Variants in RBM6 observed in about 807,000 individuals in gnomAD.
The protein encoded by RBM6 is RNA-binding protein 6.
A neutral mutation model predicts 140.4 loss-of-function variants in RBM6; 23 were observed. The ratio of observed to expected loss-of-function variants is 0.16; its 90% CI spans 0.12 to 0.23. The LOEUF (loss-of-function observed/expected upper bound fraction) is 0.23, where lower values mean the gene tolerates loss of function less well. RBM6 is among the 10% of genes least tolerant of loss of function. RBM6 has a pLI of 1.00. For synonymous variants in RBM6, 439 were observed against 475.6 expected, an observed-to-expected ratio of 0.92 and a Z score of 1.00; for missense variants, 1,139 against 1,386.7, an observed-to-expected ratio of 0.82 and a Z score of 2.84.
intron 6 of RBM6, among the ~76,000 whole-genome samples, chr3:50,010,211 G>A (rs924599058): frequency 6.6e-6 from 1 of 152,164 alleles, no homozygotes; most frequent in African/African-American, 2.4e-5. Flanking sequence ...TAATCTCACA[G>A]GGTGAGATTT....
chr3:50,022,488 G>A (rs1299470581), intron 6 of RBM6, among the ~76,000 whole-genome samples: 7 of 151,794 alleles, frequency 4.6e-5, no homozygotes, highest in Non-Finnish European at 7.4e-5. Flanking sequence ...ATGTCACCAC[G>A]CCTGGCTAAT....
chr3:49,969,355 T>C (rs2084672478), intron 3 of RBM6, among the ~76,000 whole-genome samples: 1 of 149,156 alleles, frequency 6.7e-6, no homozygotes, highest in Non-Finnish European at 1.5e-5. Flanking sequence ...TTTATTTTTA[T>C]CTTTGCATAA....
chr3:50,045,352 T>A (rs796781840), intron 6 of RBM6, among the ~76,000 whole-genome samples: 3 of 152,174 alleles, frequency 2.0e-5, no homozygotes, highest in Non-Finnish European at 4.4e-5. Context: ...AGATGTATGC[T>A]CTAACAGCAG....
At chr3:49,964,947 A>T (rs2108624922) in intron 2 of RBM6, among the ~76,000 whole-genome samples, 1 of 152,250 alleles carries the variant, frequency 6.6e-6, no homozygotes, top group East Asian at 1.9e-4. Flanking sequence ...TTTGACTAGG[A>T]GGGAGACAGT....
At chr3:49,990,613 A>G (rs1266500886) in intron 5 of RBM6, among the ~76,000 whole-genome samples, 1 of 152,258 alleles carries the variant, frequency 6.6e-6, no homozygotes, top group Non-Finnish European at 1.5e-5. Context: ...TGTTTATCAG[A>G]TAATGAATAT....
chr3:50,023,055 T>C (rs967081237), intron 6 of RBM6, among the ~76,000 whole-genome samples: 6 of 152,126 alleles, frequency 3.9e-5, no homozygotes, highest in Admixed American at 1.3e-4. Context: ...GCTATAAGCA[T>C]GCCCCACTAC....
chr3:50,066,220 A>G, intron 16 of RBM6, 22 bp from the exon 17 acceptor site: 1 of 1,593,604 alleles, frequency 6.3e-7, no homozygotes, highest in Non-Finnish European at 8.6e-7. Flanking sequence ...TTTGGTATTG[A>G]TCCCTGGCCT....
At chr3:50,008,088 G>A (rs985140649) in intron 6 of RBM6, among the ~76,000 whole-genome samples, 3 of 152,104 alleles carry the variant, frequency 2.0e-5, no homozygotes, top group African/African-American at 7.2e-5. Flanking sequence ...AGAATGAGAT[G>A]CTGTCTCTCA....
At position 49,968,172 on chromosome 3, in the gene RBM6, C is replaced by T; in HGVS notation, c.747C>T (p.Asp249=). The change falls in exon 3 of 21, where the codon GAC becomes GAT. Residue 249 remains aspartate (D), a synonymous_variant. Transcript: ENST00000266022. ...GSGTTDLDFR[D]RDTPHSDFRG... ...GTACTACTGATCTAGACTTTAGGGACAGGGATACGCCACATTCAGATTTCA... is the reference window on the plus strand; with the variant it reads ...GTACTACTGATCTAGACTTTAGGGATAGGGATACGCCACATTCAGATTTCA... 6.2e-7 allele frequency: 1 copy of T among 1,614,042 alleles called. No homozygotes were observed. The highest frequency in any genetic ancestry group is 8.5e-7 in the Non-Finnish European group (1 of 1,180,016).
At chr3:50,062,461 G>A (rs899100842) in intron 15 of RBM6, among the ~76,000 whole-genome samples, 6 of 149,652 alleles carry the variant, frequency 4.0e-5, no homozygotes, top group Non-Finnish European at 5.9e-5. Flanking sequence ...CCGAGATCGC[G>A]CCACTACACT....
chr3:49,968,134 G>A lies in RBM6; in HGVS notation c.709G>A (p.Gly237Ser). ...DKDGTQVDFR[G>S]RGSGTTDLDF... ...AGACGGAACACAAGTAGACTTTAGA[G>A]GCCGAGGTTCAGGTACTACTGATCT... Residue 237 changes from glycine (G) to serine (S), a missense_variant, in exon 3 of 21, where the codon GGC (glycine) becomes AGC (serine). Physicochemically the swap from Gly to Ser is moderately conservative, Grantham distance 56 (BLOSUM62 0). Around this residue, in one of 9 missense-constraint regions of RBM6, gnomAD observed 566 missense variants for 612.7 expected, o/e 0.92. Transcript: ENST00000266022. 3 of 1,614,134 alleles carry A rather than the reference G, an allele frequency of 1.9e-6. No homozygotes were observed. The highest frequency in any genetic ancestry group is 2.5e-6 in the Non-Finnish European group (3 of 1,180,034).
chr3:49,955,826 GTCTC>G (rs1026911292), intron 1 of RBM6, among the ~76,000 whole-genome samples: 14 of 148,476 alleles, frequency 9.4e-5, no homozygotes, highest in Admixed American at 5.5e-4. Flanking sequence ...GCAAAACTCT[GTCTC>G]TCTCTCTCTC....
intron 1 of RBM6, among the ~76,000 whole-genome samples, chr3:49,956,958 C>T (rs994964072): frequency 1.3e-5 from 2 of 152,298 alleles, no homozygotes; most frequent in South Asian, 4.1e-4. Flanking sequence ...AGCCACCAGG[C>T]CTGGCCTGCT....
In RBM6 at chr3:49,967,120, T is replaced by G; in HGVS notation, c.45-350T>G. The stretch of plus-strand genomic sequence containing the variant: ...TTGACCTTGGAATTCTTAAGTTCCC[T>G]GGCTGTAGGAAATGGAAATTTTTGT... On this transcript the variant is annotated intron_variant, in intron 2 of 20. Transcript: ENST00000266022. This position sits in a 1 kb window ranked among gnomAD's most constrained non-coding sequence, Gnocchi z 4.0. 1 of 653,130 alleles carries G rather than the reference T, an allele frequency of 1.5e-6. No homozygotes were observed. Among genetic ancestry groups the G allele is most frequent in the Non-Finnish European group, 2.0e-6 (1 of 510,862 alleles). 40.5% of individuals were successfully genotyped at this position (653,130 alleles called of 1,614,324 possible). A position where few individuals can be genotyped will look rare whatever the true frequency, so the allele number is the denominator to read the frequency against.
intron 1 of RBM6, among the ~76,000 whole-genome samples, chr3:49,954,175 C>G (rs2083866765): frequency 6.6e-6 from 1 of 151,786 alleles, no homozygotes; most frequent in Admixed American, 6.6e-5. Flanking sequence ...CGCAATGGCT[C>G]ACGCCTGTAA....
At chr3:50,045,420 C>T (rs940442459) in intron 6 of RBM6, among the ~76,000 whole-genome samples, 7 of 152,224 alleles carry the variant, frequency 4.6e-5, no homozygotes, top group African/African-American at 1.2e-4. Flanking sequence ...ATAGTTGGCT[C>T]TATTCAGTCT....
intron 5 of RBM6, among the ~76,000 whole-genome samples, chr3:49,977,284 C>T (rs1231172573): frequency 6.6e-6 from 1 of 152,230 alleles, no homozygotes; most frequent in Non-Finnish European, 1.5e-5. Context: ...CTTTGCACTA[C>T]TCTTCTCTCT....
At chr3:49,941,926 CTACAAAAAA>C (rs2083299494) in intron 1 of RBM6, among the ~76,000 whole-genome samples, 1 of 143,538 alleles carries the variant, frequency 7.0e-6, no homozygotes, top group African/African-American at 2.9e-5. Context: ...AACCCTGTCT[CTACAAAAAA>C]TACAAAAAAA....
chr3:50,022,484 C>G (rs1263179490), intron 6 of RBM6, among the ~76,000 whole-genome samples: 1 of 152,016 alleles, frequency 6.6e-6, no homozygotes, highest in Non-Finnish European at 1.5e-5. Context: ...GCTCATGTCA[C>G]CACGCCTGGC....
Sources: allele counts gnomAD v4.1 joint callset (sites outside exome capture counted in the v4.1 genomes callset), GRCh38; gene constraint gnomAD v4.1.1; regional missense constraint gnomAD v4.1.1; non-coding constraint Gnocchi (gnomAD v3.1); transcripts MANE v1.5; gene names NCBI Gene and HGNC (gene_info 2026-07-23, HGNC 2026-07-21).